The following KIF26B variants were observed in gnomAD, a reference collection of about 807,000 sequenced individuals.
The protein encoded by KIF26B is kinesin family member 26B, also known as kinesin-like protein KIF26B.
KIF26B carries 63 observed loss-of-function variants against 151.2 expected under a neutral mutation model. The observed-to-expected ratio is 0.42, with a 90% CI of 0.34 to 0.51. The LOEUF (loss-of-function observed/expected upper bound fraction) is 0.51, where lower values mean the gene tolerates loss of function less well. Among genes scored for constraint, KIF26B ranks in the 20% least tolerant of loss-of-function variants. The pLI is 0.07. For synonymous variants in KIF26B, 1,357 were observed against 1,262.1 expected (o/e 1.08, Z -1.59); for missense variants, 2,813 against 2,913.6 (o/e 0.97, Z 0.79).
In KIF26B at chr1:245,688,824, A is replaced by G. The variant is rs2044580191; in HGVS notation, c.5824+17A>G. The G allele has an allele frequency of 1.3e-6, 2 of 1,553,558 alleles. No individual in the cohort carries two copies. Among genetic ancestry groups the G allele is most frequent in the South Asian group, 2.5e-5 (2 of 81,484 alleles). ...CCAATCCAGGTAGGCGGCTGGGCGC[A>G]GGGACGCGGGTGAGGAGGGCGGCAG... On this transcript the variant is annotated intron_variant, in intron 12 of 14. Coordinates refer to ENST00000407071, the MANE Select transcript of KIF26B (RefSeq NM_018012.4).
At chr1:245,565,042 C>T (rs947309255) in intron 5 of KIF26B, among the ~76,000 whole-genome samples, 9 of 152,082 alleles carry the variant, frequency 5.9e-5, no homozygotes, top group South Asian at 2.1e-4. Flanking sequence ...AAATTTGTTA[C>T]GTAGGGATCA....
At chr1:245,195,198 A>G (rs1216913525) in intron 2 of KIF26B, among the ~76,000 whole-genome samples, 1 of 152,194 alleles carries the variant, frequency 6.6e-6, no homozygotes, top group African/African-American at 2.4e-5. Flanking sequence ...CCTGCCACCT[A>G]GGTAGATCAC....
At chr1:245,273,669 A>T (rs894363169) in intron 2 of KIF26B, among the ~76,000 whole-genome samples, 1 of 152,152 alleles carries the variant, frequency 6.6e-6, no homozygotes, top group Non-Finnish European at 1.5e-5. Context: ...TGTGTGATAT[A>T]AGTATGGTCA....
chr1:245,335,340 A>C (rs533497940), intron 2 of KIF26B, among the ~76,000 whole-genome samples: 3 of 152,108 alleles, frequency 2.0e-5, no homozygotes, highest in Non-Finnish European at 4.4e-5. Flanking sequence ...CTGGCATCCC[A>C]GGCTCCTGCT....
intron 5 of KIF26B, among the ~76,000 whole-genome samples, chr1:245,592,392 C>CAGGT (rs1161881186): frequency 6.6e-6 from 1 of 152,202 alleles, no homozygotes; most frequent in African/African-American, 2.4e-5. Context: ...CTTCGCCAGG[C>CAGGT]AGGTGCCTTT....
At chr1:245,186,616 T>C (rs2103530491) in intron 2 of KIF26B, among the ~76,000 whole-genome samples, 1 of 152,296 alleles carries the variant, frequency 6.6e-6, no homozygotes, top group Non-Finnish European at 1.5e-5. Context: ...TAGTCTAACT[T>C]CCTTTCTTGT....
At chr1:245,537,169 G>C (rs1661506835) in intron 4 of KIF26B, among the ~76,000 whole-genome samples, 1 of 152,228 alleles carries the variant, frequency 6.6e-6, no homozygotes, top group Admixed American at 6.5e-5. Context: ...ATTTAAAGGA[G>C]ATGAGGGAGT....
At chr1:245,370,622 C>T (rs1217466378) in intron 3 of KIF26B, 4 of 456,564 alleles carry the variant, frequency 8.8e-6, no homozygotes, top group Admixed American at 2.4e-5. Flanking sequence ...TTAGAAGACT[C>T]GGCGGCTGCG....
intron 2 of KIF26B, among the ~76,000 whole-genome samples, chr1:245,242,694 C>G (rs2103560631): frequency 6.6e-6 from 1 of 152,254 alleles, no homozygotes; most frequent in Non-Finnish European, 1.5e-5. Context: ...CTCTGTCGCC[C>G]AGGCTGGAGT....
At chr1:245,264,583 A>C (rs562717784) in intron 2 of KIF26B, among the ~76,000 whole-genome samples, 34 of 152,278 alleles carry the variant, frequency 2.2e-4, no homozygotes, top group South Asian at 8.3e-4. Context: ...TTCTTAAAAA[A>C]AAAACAAAAC....
chr1:245,485,635 C>G (rs753329739), intron 4 of KIF26B, among the ~76,000 whole-genome samples: 8 of 152,320 alleles, frequency 5.3e-5, no homozygotes, highest in Non-Finnish European at 1.2e-4. Flanking sequence ...CTGCCCGCCT[C>G]GGCCTCCCAG....
intron 2 of KIF26B, among the ~76,000 whole-genome samples, chr1:245,192,801 G>A (rs994730725): frequency 6.6e-5 from 10 of 152,198 alleles, no homozygotes; most frequent in East Asian, 3.8e-4. Context: ...TGGGGGGTGC[G>A]TGTGCAGGTG....
intron 3 of KIF26B, among the ~76,000 whole-genome samples, chr1:245,411,433 C>T (rs997343453): frequency 1.3e-5 from 2 of 152,186 alleles, no homozygotes; most frequent in Non-Finnish European, 2.9e-5. Flanking sequence ...AAGAGGAAGC[C>T]GTCCCAGGTT....
chr1:245,424,613 T>C (rs1046001844), intron 4 of KIF26B, among the ~76,000 whole-genome samples: 17 of 152,234 alleles, frequency 1.1e-4, no homozygotes, highest in African/African-American at 4.1e-4. Flanking sequence ...GAATAAGCAG[T>C]GTGTGGTCTG....
Position 245,276,226 on chromosome 1 carries a change from T to A in KIF26B, c.466-90608T>A, listed in dbSNP as rs1670935586. 2.0e-5 allele frequency among the ~76,000 whole-genome samples: 3 copies of A among 151,918 alleles called. No homozygotes were observed. The South Asian group carries it at 6.3e-4, about 32-fold the overall frequency. ...AGCAGGTGTCTGTAATCCCAACTAC[T>A]CAGGAGGCTGAGGCAGGAGAATCAC... On this transcript the variant is annotated intron_variant, in intron 2 of 14. Coordinates refer to ENST00000407071, the MANE Select transcript of KIF26B (RefSeq NM_018012.4).
intron 2 of KIF26B, among the ~76,000 whole-genome samples, chr1:245,292,401 C>T (rs761990055): frequency 7.9e-5 from 12 of 152,188 alleles, no homozygotes; most frequent in East Asian, 3.9e-4. Flanking sequence ...GCTGGCAAGG[C>T]GGCAGAGGGG....
At position 245,688,304 on chromosome 1, in the gene KIF26B, C is replaced by A; in HGVS notation, c.5321C>A (p.Pro1774His). The change falls in exon 12 of 15, where the codon CCC becomes CAC. Residue 1774 changes from proline to histidine, a missense_variant. Coordinates refer to ENST00000407071, the MANE Select transcript of KIF26B (RefSeq NM_018012.4). ...PQAVGQGSSSPPGGKHTPWST... is the reference protein window; with the variant it reads ...PQAVGQGSSSHPGGKHTPWST... ...GCGGTGGGCCAGGGCTCCAGCTCGC[C>A]CCCCGGTGGGAAGCACACGCCCTGG... The A allele has an allele frequency of 6.3e-7, 1 of 1,596,062 alleles. No individual in the cohort carries two copies. Among genetic ancestry groups the A allele is most frequent in the Non-Finnish European group, 8.5e-7 (1 of 1,178,240 alleles).
chr1:245,193,157 C>T (rs1342882441), intron 2 of KIF26B, among the ~76,000 whole-genome samples: 1 of 152,190 alleles, frequency 6.6e-6, no homozygotes, highest in Non-Finnish European at 1.5e-5. Context: ...GTTTTCTGTT[C>T]CTGTGTTAGT....
chr1:245,471,285 C>T (rs970687064), intron 4 of KIF26B, among the ~76,000 whole-genome samples: 1 of 152,182 alleles, frequency 6.6e-6, no homozygotes, highest in Admixed American at 6.5e-5. Context: ...CATGCACCAC[C>T]ACGCCCAGCT....
Sources: allele counts gnomAD v4.1 joint callset (sites outside exome capture counted in the v4.1 genomes callset), GRCh38; gene constraint gnomAD v4.1.1; transcripts MANE v1.5; gene names NCBI Gene and HGNC (gene_info 2026-07-23, HGNC 2026-07-21).